Variants in SP1 observed in about 807,000 individuals in gnomAD.
SP1 encodes Sp1 transcription factor, also known as transcription factor Sp1.
A neutral mutation model predicts 66.3 loss-of-function variants in SP1; 6 were observed. The observed-to-expected ratio is 0.09, with a 90% CI of 0.05 to 0.18. SP1 has a LOEUF of 0.18. Ranked by LOEUF, SP1 falls within the 10% of genes least tolerant of loss-of-function variation. The pLI is 1.00. For missense variants in SP1, 848 were observed against 964.5 expected, an observed-to-expected ratio of 0.88 and a Z score of 1.60; for synonymous variants, 417 against 360.8, an observed-to-expected ratio of 1.16 and a Z score of -1.77.
intron 4 of SP1, 71 bp downstream of exon 4, chr12:53,406,824 A>G: frequency 7.4e-7 from 1 of 1,359,346 alleles, no homozygotes; most frequent in Non-Finnish European, 9.9e-7. Flanking sequence ...GAGGAAGAAG[A>G]TTAATTTTTT....
At chr12:53,395,088 C>T (rs1938454538) in intron 3 of SP1, among the ~76,000 whole-genome samples, 1 of 152,012 alleles carries the variant, frequency 6.6e-6, no homozygotes, top group Non-Finnish European at 1.5e-5. Context: ...TGTCTGTAAT[C>T]CCAGCACTTT....
chr12:53,409,633 T>C (rs1235709545), intron 5 of SP1, 72 bp downstream of exon 5: 1 of 1,238,192 alleles, frequency 8.1e-7, no homozygotes, highest in Non-Finnish European at 1.2e-6. Flanking sequence ...ACCTACAAAA[T>C]AACTAAAATT....
intron 3 of SP1, among the ~76,000 whole-genome samples, chr12:53,389,258 G>A (rs188637800): frequency 5.1e-5 from 4 of 78,158 alleles, no homozygotes; most frequent in Admixed American, 3.4e-4. Context: ...TTTCATTCTT[G>A]TTGCCCAGGG....
chr12:53,408,463 G>A (rs747231638), intron 4 of SP1, among the ~76,000 whole-genome samples: 1 of 150,682 alleles, frequency 6.6e-6, no homozygotes, highest in Non-Finnish European at 1.5e-5. Context: ...AACAATTTTT[G>A]TATTTTTTAG....
intron 3 of SP1, among the ~76,000 whole-genome samples, chr12:53,396,396 C>G (rs1032815696): frequency 1.3e-5 from 2 of 151,734 alleles, no homozygotes; most frequent in Non-Finnish European, 2.9e-5. Context: ...GGTAAAACCC[C>G]GTCTCTACTA....
In SP1 at chr12:53,382,819, C is replaced by T; in HGVS notation, c.872C>T (p.Ser291Phe). 6.2e-7 allele frequency: 1 copy of T among 1,614,142 alleles called. No homozygotes were observed. The highest frequency in any genetic ancestry group is 1.7e-5 in the Admixed American group (1 of 60,016). The change falls in exon 3 of 6, where the codon TCC (serine) becomes TTC (phenylalanine). Residue 291 changes from serine to phenylalanine, a missense_variant. Ser to Phe is a radical substitution (Grantham distance 155). This residue lies in a region of SP1 where 606 missense variants were observed against 589.9 expected (regional missense o/e 1.03). Coordinates refer to ENST00000327443, the MANE Select transcript of SP1 (RefSeq NM_138473.3). ...GCAGTCACGATCAGCAGCTCTGGGT[C>T]CCAGGAGAGTGGCTCACAGCCTGTC... is the stretch of plus-strand genomic sequence containing the variant. ...SQAVTISSSG[S>F]QESGSQPVTS...
intron 3 of SP1, among the ~76,000 whole-genome samples, chr12:53,399,902 A>G (rs1938571714): frequency 1.3e-5 from 2 of 151,886 alleles, no homozygotes; most frequent in African/African-American, 4.8e-5. Flanking sequence ...AAGTGCTGGG[A>G]TTACAGGCGT....
chr12:53,414,699 A>AAT lies in SP1; in HGVS notation c.*3462_*3463dup, dbSNP rs1298356689. On this transcript the variant is annotated 3_prime_UTR_variant, in exon 6 of 6. Transcript: ENST00000327443. ...CTTTCAAAATATATTTTGTATTGTT[A>AAT]ATATCTTCACATTGTGTGAATACTG... 6.6e-6 allele frequency: 1 copy of AAT among 152,596 alleles called. No homozygotes were observed. The highest frequency in any genetic ancestry group is 1.5e-5 in the Non-Finnish European group (1 of 68,036). The allele number at this position is 152,596 out of a possible 1,614,324, so 9.5% of individuals were successfully genotyped here. A position where few individuals can be genotyped will look rare whatever the true frequency, so the allele number is the denominator to read the frequency against.
intron 3 of SP1, among the ~76,000 whole-genome samples, chr12:53,402,481 C>T (rs1938628861): frequency 6.6e-6 from 1 of 151,898 alleles, no homozygotes. Context: ...CTCGGCCTCC[C>T]AAAGTACTGG....
intron 3 of SP1, among the ~76,000 whole-genome samples, chr12:53,391,709 C>A (rs936517478): frequency 1.3e-5 from 2 of 151,434 alleles, no homozygotes; most frequent in Non-Finnish European, 2.9e-5. Flanking sequence ...CGGGTCCGGT[C>A]ATGAGCATAG....
At chr12:53,380,791 C>CT (rs1481457888) in intron 1 of SP1, 1 of 378,858 alleles carries the variant, frequency 2.6e-6, no homozygotes, top group Non-Finnish European at 3.6e-6. Context: ...CGAAACCGCC[C>CT]TTTCCCTCAG....
chr12:53,411,020 G>A lies in SP1; in HGVS notation c.2138G>A (p.Gly713Glu). 6.2e-7 allele frequency: 1 copy of A among 1,614,168 alleles called. No individual in the cohort carries two copies. Among genetic ancestry groups the A allele is most frequent in the Non-Finnish European group, 8.5e-7 (1 of 1,180,002 alleles). ...ATCAAGACCCACCAGAATAAGAAGG[G>A]AGGCCCAGGTGTAGCTCTGAGTGTG... ...KHIKTHQNKK[G>E]GPGVALSVGT... Residue 713 changes from glycine (G) to glutamate (E), a missense_variant, in exon 6 of 6, where the codon GGA becomes GAA. This residue lies in a region of SP1 where 39 missense variants were observed against 124.2 expected (regional missense o/e 0.31). Coordinates refer to ENST00000327443, the MANE Select transcript of SP1 (RefSeq NM_138473.3).
rs942978761 is a variant in SP1, at chr12:53,384,724, C to G, written c.1675+1102C>G. Among the ~76,000 whole-genome samples the G allele has an allele frequency of 4.0e-5, 6 of 151,846 alleles. No individual in the cohort carries two copies. The East Asian group carries it at 1.2e-3, about 29-fold the overall frequency. On this transcript the variant is annotated intron_variant, in intron 3 of 5. Coordinates refer to ENST00000327443, the MANE Select transcript of SP1 (RefSeq NM_138473.3). ...ATTATGGGCCGGGTGTGGTGGCTCA[C>G]GCCTGTAATGCAGGCACTGAGAAGA... is the stretch of plus-strand genomic sequence containing the variant.
chr12:53,406,812 A>G, intron 4 of SP1, 59 bp downstream of exon 4: 2 of 1,441,544 alleles, frequency 1.4e-6, no homozygotes, highest in Non-Finnish European at 1.9e-6. Context: ...ATTTGGAGAT[A>G]AGAGGAAGAA....
intron 3 of SP1, among the ~76,000 whole-genome samples, chr12:53,386,671 T>G (rs1038924441): frequency 3.3e-5 from 5 of 151,862 alleles, no homozygotes; most frequent in African/African-American, 1.2e-4. Context: ...GTTTGTTTAA[T>G]GGAGACGGGG....
chr12:53,380,946 CTT>C (rs35296566), intron 1 of SP1, among the ~76,000 whole-genome samples: 8 of 100,796 alleles, frequency 7.9e-5, no homozygotes, highest in African/African-American at 2.4e-4. Flanking sequence ...TTTTGTTTGT[CTT>C]TTTTTTTTTT....
At position 53,414,489 on chromosome 12, in the gene SP1, A is replaced by G. The variant is rs1592577288; in HGVS notation, c.*3249A>G. The G allele has an allele frequency of 6.5e-6, 1 of 152,710 alleles. No individual in the cohort carries two copies. The highest frequency in any genetic ancestry group is 2.4e-5 in the African/African-American group (1 of 41,572). 9.5% of individuals were successfully genotyped at this position (152,710 alleles called of 1,614,324 possible). A position where few individuals can be genotyped will look rare whatever the true frequency, so the allele number is the denominator to read the frequency against. ...GATCCTTTGATCCCAGAAAGTATATACTGAAGTGTGGGATAAAGATTATGA... is the reference window on the plus strand; with the variant it reads ...GATCCTTTGATCCCAGAAAGTATATGCTGAAGTGTGGGATAAAGATTATGA... On this transcript the variant is annotated 3_prime_UTR_variant, in exon 6 of 6. Transcript: ENST00000327443.
Position 53,382,799 on chromosome 12 carries a change from C to A in SP1, c.852C>A (p.Val284=), listed in dbSNP as rs773814669. The A allele has an allele frequency of 6.2e-7, 1 of 1,614,194 alleles. No individual in the cohort carries two copies. Among genetic ancestry groups the A allele is most frequent in the Non-Finnish European group, 8.5e-7 (1 of 1,180,024 alleles). ...AATLTPSSQA[V]TISSSGSQES... is the part of the protein sequence containing the mutation. ...CCTTGACTCCCAGCTCTCAGGCAGT[C>A]ACGATCAGCAGCTCTGGGTCCCAGG... The change falls in exon 3 of 6, where the codon GTC becomes GTA. Residue 284 remains valine (V), a synonymous_variant. Coordinates refer to ENST00000327443, the MANE Select transcript of SP1 (RefSeq NM_138473.3).
At chr12:53,388,256 G>A (rs1387616989) in intron 3 of SP1, among the ~76,000 whole-genome samples, 1 of 152,110 alleles carries the variant, frequency 6.6e-6, no homozygotes, top group Non-Finnish European at 1.5e-5. Context: ...GATTATTCCT[G>A]TTAATAATTT....
Sources: gnomAD v4.1 joint callset for allele counts (sites outside exome capture counted in the v4.1 genomes callset) on GRCh38, gnomAD v4.1.1 for gene constraint, gnomAD v4.1.1 regional missense constraint, MANE v1.5 for transcripts, NCBI Gene and HGNC (gene_info 2026-07-23, HGNC 2026-07-21) for gene names.